YIPF6: variants seen among roughly 807,000 people sequenced by gnomAD.
YIPF6 encodes protein YIPF6.
In YIPF6, 3 loss-of-function variants were observed where a neutral mutation model predicts 16.8. The observed-to-expected ratio is 0.18, with a 90% CI of 0.08 to 0.46. The LOEUF (loss-of-function observed/expected upper bound fraction) is 0.46. YIPF6 is among the 20% of genes least tolerant of loss of function. YIPF6 has a pLI of 0.98. For missense variants in YIPF6, 145 were observed against 184.9 expected (o/e 0.78, Z 1.25); for synonymous variants, 67 against 61.9 (o/e 1.08, Z -0.38).
Position 68,518,705 on chromosome X carries a change from A to G in YIPF6, c.266-65A>G, listed in dbSNP as rs999241444. Reference sequence around the variant, plus strand: ...TTGATGTCTGAATTCTAGGAGGGAGAGAGGTAGATATTAGAATAAAGACAG... The same window carrying G: ...TTGATGTCTGAATTCTAGGAGGGAGGGAGGTAGATATTAGAATAAAGACAG... On this transcript the variant is annotated intron_variant, in intron 3 of 6. Transcript: ENST00000462683. 8.0e-6 allele frequency: 9 copies of G among 1,121,850 alleles called. No homozygotes were observed. The African/African-American group carries it at 1.7e-4, about 21-fold the overall frequency. The allele number at this position is 1,121,850 out of a possible 1,213,427, so 92.5% of individuals were successfully genotyped here.
intron 3 of YIPF6, among the ~76,000 whole-genome samples, chrX:68,517,848 C>T (rs926601918): frequency 1.8e-5 from 2 of 109,134 alleles, no homozygotes; most frequent in African/African-American, 3.4e-5. Flanking sequence ...TGCCTGTAGT[C>T]CCAATTATTC....
chrX:68,506,578 C>T (rs899593672), intron 1 of YIPF6, among the ~76,000 whole-genome samples: 6 of 110,304 alleles, frequency 5.4e-5, no homozygotes, highest in Admixed American at 2.0e-4. Context: ...CACATGCTTA[C>T]AGTCCCAGCT....
chrX:68,501,781 T>C (rs1371087309), intron 1 of YIPF6, among the ~76,000 whole-genome samples: 1 of 111,670 alleles, frequency 9.0e-6, no homozygotes, highest in Non-Finnish European at 1.9e-5. Context: ...GAGATAAGCC[T>C]TCAGAGGTAA....
chrX:68,518,744 C>T (rs759174331), intron 3 of YIPF6, 26 bp from the exon 4 acceptor site: 18 of 1,168,805 alleles, frequency 1.5e-5, no homozygotes, highest in South Asian at 2.0e-5. Flanking sequence ...ATATTACCTT[C>T]GCTTCTGTCT....
chrX:68,533,992 A>G lies in YIPF6; in HGVS notation c.*1993A>G, dbSNP rs956560367. ...TGTTTGGTCAGAAATTCCTAAGGCC[A>G]CAGCTTTGGGGGGTTCGTGTAGATG... On this transcript the variant is annotated 3_prime_UTR_variant, in exon 7 of 7. Coordinates refer to ENST00000462683, the MANE Select transcript of YIPF6 (RefSeq NM_173834.4). 4.5e-5 allele frequency: 5 copies of G among 112,187 alleles called. No homozygotes were observed. Among genetic ancestry groups the G allele is most frequent in the African/African-American group, 1.3e-4 (4 of 30,947 alleles). 9.2% of individuals were successfully genotyped at this position (112,187 alleles called of 1,213,427 possible). A position where few individuals can be genotyped will look rare whatever the true frequency, so the allele number is the denominator to read the frequency against.
intron 6 of YIPF6, among the ~76,000 whole-genome samples, chrX:68,528,578 G>A (rs932690215): frequency 4.5e-5 from 5 of 111,672 alleles, no homozygotes; most frequent in African/African-American, 9.8e-5. Flanking sequence ...TCATAGTGTC[G>A]ATAGTCTTTA....
intron 1 of YIPF6, 146 bp from the exon 2 acceptor site, chrX:68,511,703 T>A (rs1465625802): frequency 3.7e-6 from 2 of 534,930 alleles, no homozygotes; most frequent in Non-Finnish European, 5.6e-6. Context: ...GTTAACTGCA[T>A]TGTGTAATGT....
At chrX:68,523,390 G>A (rs2079134902) in intron 6 of YIPF6, among the ~76,000 whole-genome samples, 1 of 112,153 alleles carries the variant, frequency 8.9e-6, no homozygotes, top group Admixed American at 9.5e-5. Flanking sequence ...TCTTACAGAT[G>A]AAGAACAGTT....
intron 3 of YIPF6, among the ~76,000 whole-genome samples, chrX:68,516,713 G>A (rs1400338133): frequency 8.9e-6 from 1 of 111,924 alleles, no homozygotes; most frequent in Non-Finnish European, 1.9e-5. Flanking sequence ...GTTAAAGTTC[G>A]ATGTGGAATA....
chrX:68,524,674 C>A (rs954704087), intron 6 of YIPF6, among the ~76,000 whole-genome samples: 1 of 108,910 alleles, frequency 9.2e-6, no homozygotes, highest in East Asian at 2.9e-4. Flanking sequence ...CTCCCCTAGC[C>A]CCCCCAGCCT....
In YIPF6 at chrX:68,532,504, TGA is replaced by T. The variant is rs1347470650; in HGVS notation, c.*511_*512del. The T allele has an allele frequency of 9.3e-6, 1 of 107,362 alleles. No individual in the cohort carries two copies. Among genetic ancestry groups the T allele is most frequent in the Non-Finnish European group, 1.9e-5 (1 of 52,289 alleles). The allele number at this position is 107,362 out of a possible 1,213,427, so 8.8% of individuals were successfully genotyped here. A position where few individuals can be genotyped will look rare whatever the true frequency, so the allele number is the denominator to read the frequency against. ...CTCTCTCTTAAGCTTAAAAAGGCAA[TGA>T]GAGAGGTTAGGAGTGGGTTCATACA... On this transcript the variant is annotated 3_prime_UTR_variant, in exon 7 of 7. Transcript: ENST00000462683.
intron 6 of YIPF6, 148 bp from the exon 7 acceptor site, chrX:68,531,733 A>G (rs2079172253): frequency 2.4e-6 from 1 of 411,081 alleles, no homozygotes; most frequent in African/African-American, 2.5e-5. Flanking sequence ...GAATGCCTTT[A>G]TCTCTGAGGA....
intron 3 of YIPF6, among the ~76,000 whole-genome samples, chrX:68,517,965 CAAAA>C (rs761275868): frequency 3.2e-5 from 2 of 62,530 alleles, no homozygotes; most frequent in Admixed American, 2.0e-4. Flanking sequence ...GACCCTGTTT[CAAAA>C]AAAAAAAAAA....
At chrX:68,502,131 G>C (rs1366950421) in intron 1 of YIPF6, among the ~76,000 whole-genome samples, 1 of 111,629 alleles carries the variant, frequency 9.0e-6, no homozygotes, top group African/African-American at 3.3e-5. Context: ...TTTTTGAGGA[G>C]GGAAGAATTT....
chrX:68,503,219 A>G (rs943280506), intron 1 of YIPF6, among the ~76,000 whole-genome samples: 1 of 111,579 alleles, frequency 9.0e-6, no homozygotes, highest in Admixed American at 9.5e-5. Context: ...TCCTTTTTCC[A>G]GGATTTTGGT....
chrX:68,530,570 G>A (rs924213765), intron 6 of YIPF6, among the ~76,000 whole-genome samples: 2 of 111,200 alleles, frequency 1.8e-5, no homozygotes, highest in Non-Finnish European at 3.8e-5. Flanking sequence ...CCAGTTTTGT[G>A]CTTGAAATCC....
chrX:68,511,552 T>C (rs1018910359), intron 1 of YIPF6, among the ~76,000 whole-genome samples: 1 of 112,423 alleles, frequency 8.9e-6, no homozygotes, highest in Non-Finnish European at 1.9e-5. Flanking sequence ...TTAATAACTT[T>C]ACAATTATTA....
At chrX:68,520,668 C>T (rs1464456864) in intron 4 of YIPF6, among the ~76,000 whole-genome samples, 1 of 110,972 alleles carries the variant, frequency 9.0e-6, no homozygotes, top group Non-Finnish European at 1.9e-5. Flanking sequence ...ACGGGGGTTT[C>T]GTCATGTTGC....
At chrX:68,508,300 C>T (rs967871224) in intron 1 of YIPF6, among the ~76,000 whole-genome samples, 1 of 109,591 alleles carries the variant, frequency 9.1e-6, no homozygotes, top group African/African-American at 3.3e-5. Flanking sequence ...GATGGGGTTT[C>T]GCCATGTTGC....
Sources: gnomAD v4.1 joint callset for allele counts (sites outside exome capture counted in the v4.1 genomes callset) on GRCh38, gnomAD v4.1.1 for gene constraint, MANE v1.5 for transcripts, NCBI Gene and HGNC (gene_info 2026-07-23, HGNC 2026-07-21) for gene names.